Variants in RBFOX1 observed in about 807,000 individuals in gnomAD.
RBFOX1 encodes the protein RNA binding protein fox-1 homolog 1.
Under a neutral mutation model 57.7 loss-of-function variants are expected in RBFOX1, and 8 were observed. That is an observed-to-expected ratio of 0.14 (90% CI 0.08 to 0.25). The LOEUF (loss-of-function observed/expected upper bound fraction) is 0.25, where lower values mean the gene tolerates loss of function less well. Ranked by LOEUF, RBFOX1 falls within the 10% of genes least tolerant of loss-of-function variation. RBFOX1 has a pLI of 1.00. For missense variants in RBFOX1, 611 were observed against 548.5 expected (o/e 1.11, Z -1.14); for synonymous variants, 326 against 222.4 (o/e 1.47, Z -4.15).
intron 4 of RBFOX1, among the ~76,000 whole-genome samples, chr16:7,356,220 G>C (rs1172794927): frequency 1.3e-5 from 2 of 152,194 alleles, no homozygotes; most frequent in Non-Finnish European, 2.9e-5. Flanking sequence ...GCACTGAATA[G>C]TGAGTCAAGA....
At chr16:5,949,032 C>A (rs951535700) in intron 4 of RBFOX1, among the ~76,000 whole-genome samples, 1 of 152,138 alleles carries the variant, frequency 6.6e-6, no homozygotes, top group Non-Finnish European at 1.5e-5. Flanking sequence ...GCGTCATATA[C>A]ACAACTATTA....
intron 1 of RBFOX1, among the ~76,000 whole-genome samples, chr16:5,445,220 G>A (rs900652886): frequency 6.6e-6 from 1 of 152,220 alleles, no homozygotes; most frequent in African/African-American, 2.4e-5. Context: ...CGTGGGAGTA[G>A]GGGACTAATA....
chr16:5,746,758 A>G (rs149053517), intron 3 of RBFOX1, among the ~76,000 whole-genome samples: 93 of 152,306 alleles, frequency 6.1e-4, no homozygotes, highest in African/African-American at 2.0e-3. Flanking sequence ...ACTGGTGTAT[A>G]AGAATGCTTG....
chr16:6,465,884 TTGTG>T, intron 2 of RBFOX1, among the ~76,000 whole-genome samples: 1 of 146,332 alleles, frequency 6.8e-6, no homozygotes, highest in Non-Finnish European at 1.5e-5. Context: ...ATTTGTGTGT[TTGTG>T]TGTGTGTGTG....
chr16:6,351,255 A>C (rs1245408284), intron 2 of RBFOX1, among the ~76,000 whole-genome samples: 1 of 149,396 alleles, frequency 6.7e-6, no homozygotes, highest in African/African-American at 2.5e-5. Flanking sequence ...TATGCGTTTG[A>C]ATTGTATTCT....
intron 3 of RBFOX1, among the ~76,000 whole-genome samples, chr16:5,611,705 C>CCCATCCGTCCATCCAT (rs772335203): frequency 6.0e-5 from 6 of 100,128 alleles, no homozygotes; most frequent in East Asian, 3.0e-4. Flanking sequence ...CACCCACTCT[C>CCCATCCGTCCATCCAT]CCATCCATCC....
chr16:6,356,902 A>C (rs1316208673), intron 2 of RBFOX1, among the ~76,000 whole-genome samples: 1 of 152,212 alleles, frequency 6.6e-6, no homozygotes, highest in African/African-American at 2.4e-5. Context: ...CTGTAAATCC[A>C]AAAGCGTTCT....
chr16:6,452,169 T>A (rs1276557161), intron 2 of RBFOX1, among the ~76,000 whole-genome samples: 1 of 150,770 alleles, frequency 6.6e-6, no homozygotes, highest in Non-Finnish European at 1.5e-5. Context: ...GCTCCATCCA[T>A]GGATCCTTCC....
At chr16:5,839,219 C>G (rs769615238) in intron 3 of RBFOX1, among the ~76,000 whole-genome samples, 2 of 152,176 alleles carry the variant, frequency 1.3e-5, no homozygotes, top group African/African-American at 2.4e-5. Flanking sequence ...GGCTCAGACT[C>G]CAGCTATATT....
chr16:5,695,060 T>C (rs557654066), intron 3 of RBFOX1, among the ~76,000 whole-genome samples: 2 of 152,070 alleles, frequency 1.3e-5, no homozygotes, highest in South Asian at 2.1e-4. Context: ...GACAGTAATA[T>C]ATGTTTTTAT....
intron 4 of RBFOX1, among the ~76,000 whole-genome samples, chr16:5,978,694 T>C (rs1200948962): frequency 3.3e-5 from 5 of 151,508 alleles, no homozygotes; most frequent in East Asian, 3.9e-4. Context: ...TTTTTTGTTG[T>C]TGTTGTTTTT....
At chr16:5,941,642 T>C (rs191987185) in intron 4 of RBFOX1, among the ~76,000 whole-genome samples, 151 of 152,226 alleles carry the variant, frequency 9.9e-4, no homozygotes, top group African/African-American at 3.4e-3. Context: ...TGCCAAATAA[T>C]TGGAGCACAT....
At chr16:6,750,779 C>T (rs1041056983) in intron 3 of RBFOX1, among the ~76,000 whole-genome samples, 2 of 152,106 alleles carry the variant, frequency 1.3e-5, no homozygotes, top group African/African-American at 4.8e-5. Context: ...ACTAATTATT[C>T]AGTGGTGGAA....
chr16:6,882,782 G>A (rs908928214), intron 3 of RBFOX1, among the ~76,000 whole-genome samples: 4 of 151,978 alleles, frequency 2.6e-5, no homozygotes, highest in Non-Finnish European at 4.4e-5. Context: ...AGACCAGGAT[G>A]CAAGTGGCAT....
intron 4 of RBFOX1, among the ~76,000 whole-genome samples, chr16:7,442,321 T>G (rs931102115): frequency 1.3e-5 from 2 of 152,076 alleles, no homozygotes; most frequent in Admixed American, 1.3e-4. Flanking sequence ...GCAGTCCGTC[T>G]CCCAGCACAG....
chr16:6,326,018 G>C (rs565076626), intron 2 of RBFOX1, among the ~76,000 whole-genome samples: 29 of 152,322 alleles, frequency 1.9e-4, no homozygotes, highest in African/African-American at 6.7e-4. Flanking sequence ...ACTTGTGTGC[G>C]TGAGTGTGTG....
At chr16:5,668,837 G>A (rs1013382779) in intron 3 of RBFOX1, among the ~76,000 whole-genome samples, 6 of 152,052 alleles carry the variant, frequency 3.9e-5, no homozygotes, top group Non-Finnish European at 8.8e-5. Context: ...AGAGGTGGTG[G>A]GTGGAGCACA....
At chr16:5,307,532 C>A (rs555268353) in intron 1 of RBFOX1, among the ~76,000 whole-genome samples, 1 of 152,172 alleles carries the variant, frequency 6.6e-6, no homozygotes, top group Non-Finnish European at 1.5e-5. Flanking sequence ...CCACCCTCAC[C>A]CCTGTTCATA....
chr16:7,675,480 G>C (rs868358548), intron 13 of RBFOX1, among the ~76,000 whole-genome samples: 1 of 151,948 alleles, frequency 6.6e-6, no homozygotes. Context: ...TCTTCTCCAG[G>C]ACTGATCCAA....
Sources: allele counts gnomAD v4.1 joint callset (sites outside exome capture counted in the v4.1 genomes callset), GRCh38; gene constraint gnomAD v4.1.1; transcripts MANE v1.5; gene names NCBI Gene and HGNC (gene_info 2026-07-23, HGNC 2026-07-21).